Variants in FAM135A observed in about 807,000 individuals in gnomAD.
The protein encoded by FAM135A is family with sequence similarity 135 member A.
A neutral mutation model predicts 146.8 loss-of-function variants in FAM135A; 79 were observed. That is an observed-to-expected ratio of 0.54 (90% confidence interval 0.45 to 0.65). The LOEUF is 0.65. Among genes scored for constraint, FAM135A ranks in the 30% least tolerant of loss-of-function variants. The probability of loss-of-function intolerance (pLI) is 0.00; values close to 1 mark genes in which losing one functional copy is unlikely to be tolerated. For missense variants in FAM135A, 1,623 were observed against 1,758.2 expected (o/e 0.92, Z 1.38); for synonymous variants, 562 against 603.6 (o/e 0.93, Z 1.01).
intron 11 of FAM135A, among the ~76,000 whole-genome samples, chr6:70,497,622 T>C (rs1337408089): frequency 6.6e-6 from 1 of 152,238 alleles, no homozygotes; most frequent in African/African-American, 2.4e-5. Flanking sequence ...AGTATGATAT[T>C]GGCTGTGGGT....
At chr6:70,417,501 C>G in intron 2 of FAM135A, 1 of 634,002 alleles carries the variant, frequency 1.6e-6, no homozygotes, top group Non-Finnish European at 2.0e-6. Context: ...GCATGAACTA[C>G]TATGCCTGGC....
chr6:70,473,773 A>G (rs1782069661), intron 5 of FAM135A, among the ~76,000 whole-genome samples: 1 of 151,998 alleles, frequency 6.6e-6, no homozygotes, highest in Non-Finnish European at 1.5e-5. Context: ...CTTCACTTGG[A>G]TTCCAGTAGT....
chr6:70,531,326 A>G (rs555966873), intron 16 of FAM135A, among the ~76,000 whole-genome samples: 2 of 152,196 alleles, frequency 1.3e-5, no homozygotes, highest in South Asian at 2.1e-4. Context: ...CTTGGTAGCT[A>G]TTGGTTTGAT....
intron 5 of FAM135A, among the ~76,000 whole-genome samples, chr6:70,468,451 C>G (rs1295387674): frequency 6.6e-6 from 1 of 152,188 alleles, no homozygotes; most frequent in African/African-American, 2.4e-5. Context: ...AAAAACCCAC[C>G]ACATACATGG....
chr6:70,476,178 TGAG>T, intron 7 of FAM135A, among the ~76,000 whole-genome samples: 1 of 152,280 alleles, frequency 6.6e-6, no homozygotes, highest in Non-Finnish European at 1.5e-5. Context: ...CCAGAGCCCT[TGAG>T]GAAGTTTTAG....
intron 12 of FAM135A, among the ~76,000 whole-genome samples, chr6:70,505,371 A>G (rs74706252): frequency 0.019 from 2,878 of 152,174 alleles, 96 homozygotes; most frequent in African/African-American, 0.065. Context: ...TTCAGTTTTC[A>G]TGTTCCTTTA....
At chr6:70,509,259 T>A (rs1417354159) in intron 12 of FAM135A, among the ~76,000 whole-genome samples, 1 of 152,126 alleles carries the variant, frequency 6.6e-6, no homozygotes, top group Admixed American at 6.6e-5. Flanking sequence ...CATAGTGAGA[T>A]CTTGTCTCTA....
chr6:70,482,844 A>G (rs944193833), intron 10 of FAM135A, among the ~76,000 whole-genome samples: 1 of 152,066 alleles, frequency 6.6e-6, no homozygotes, highest in Non-Finnish European at 1.5e-5. Flanking sequence ...CAGACTTTTT[A>G]TGTCAGTTTT....
chr6:70,504,847 C>T (rs577910272), intron 12 of FAM135A: 1 of 152,098 alleles, frequency 6.6e-6, no homozygotes, highest in East Asian at 1.9e-4. Flanking sequence ...GTGGCGAGTA[C>T]CTGTAATCCC....
At chr6:70,457,691 G>A (rs1778631706) in intron 5 of FAM135A, among the ~76,000 whole-genome samples, 2 of 152,080 alleles carry the variant, frequency 1.3e-5, no homozygotes, top group African/African-American at 4.8e-5. Flanking sequence ...AATACTGGTT[G>A]GAAAGGATTT....
At position 70,560,310 on chromosome 6, in the gene FAM135A, G is replaced by A. The variant is rs1054985821; in HGVS notation, c.*389G>A. On this transcript the variant is annotated 3_prime_UTR_variant, in exon 22 of 22. Transcript: ENST00000418814. Reference sequence around the variant, plus strand: ...ATGGGATTTAAAATTTTCTAATACTGGGGGTATTATTTAGTTAATTATAAA... The same window carrying A: ...ATGGGATTTAAAATTTTCTAATACTAGGGGTATTATTTAGTTAATTATAAA... 1 of 153,938 alleles carries A rather than the reference G, an allele frequency of 6.5e-6. No individual in the cohort carries two copies. Among genetic ancestry groups the A allele is most frequent in the Non-Finnish European group, 1.4e-5 (1 of 69,150 alleles). The allele number at this position is 153,938 out of a possible 1,614,324, so 9.5% of individuals were successfully genotyped here. A position where few individuals can be genotyped will look rare whatever the true frequency, so the allele number is the denominator to read the frequency against.
chr6:70,525,628 ACT>A lies in FAM135A; in HGVS notation c.2545_2546del (p.Leu849ValfsTer3). On this transcript the variant is annotated frameshift_variant, in exon 15 of 22. Transcript: ENST00000418814. LOFTEE classifies it high-confidence loss of function. ...SINSLPSDDELSPDENSKKSV... is the reference protein window; with the variant it reads ...SINSLPSDDEXSPDENSKKSV... The stretch of plus-strand genomic sequence containing the variant: ...TAAACTCTCTACCCTCCGATGATGA[ACT>A]GTCACCTGATGAAAATTCTAAGAAA... The A allele has an allele frequency of 6.2e-7, 1 of 1,613,272 alleles. No individual in the cohort carries two copies. The highest frequency in any genetic ancestry group is 8.5e-7 in the Non-Finnish European group (1 of 1,179,594).
At chr6:70,414,567 A>G (rs887331982) in intron 1 of FAM135A, among the ~76,000 whole-genome samples, 2 of 133,910 alleles carry the variant, frequency 1.5e-5, no homozygotes, top group Admixed American at 1.6e-4. Context: ...CATTTGTTTT[A>G]CTTTTTATTA....
intron 11 of FAM135A, among the ~76,000 whole-genome samples, chr6:70,493,523 A>T (rs952262633): frequency 1.3e-5 from 2 of 152,208 alleles, no homozygotes; most frequent in African/African-American, 4.8e-5. Context: ...ACATATTATA[A>T]TGCGTCTTGA....
chr6:70,469,082 G>T (rs35516318), intron 5 of FAM135A, among the ~76,000 whole-genome samples: 23 of 151,852 alleles, frequency 1.5e-4, no homozygotes, highest in Admixed American at 1.4e-3. Flanking sequence ...CTTAATGCTT[G>T]TAACTTTCAA....
intron 4 of FAM135A, among the ~76,000 whole-genome samples, chr6:70,433,120 G>T (rs1772078441): frequency 6.6e-6 from 1 of 151,076 alleles, no homozygotes; most frequent in Non-Finnish European, 1.5e-5. Context: ...TGTCGCCCAG[G>T]CTGGAGTGCG....
At chr6:70,432,600 T>G (rs1175608970) in intron 4 of FAM135A, among the ~76,000 whole-genome samples, 1 of 152,154 alleles carries the variant, frequency 6.6e-6, no homozygotes, top group Non-Finnish European at 1.5e-5. Context: ...AAATTGTGTT[T>G]TACTTAACAG....
intron 20 of FAM135A, among the ~76,000 whole-genome samples, chr6:70,550,489 G>A (rs1318873680): frequency 6.6e-6 from 1 of 152,156 alleles, no homozygotes; most frequent in East Asian, 1.9e-4. Context: ...GTTGAGTAGG[G>A]GGATTGTTAA....
intron 21 of FAM135A, among the ~76,000 whole-genome samples, chr6:70,559,447 T>TAA (rs762968839): frequency 3.4e-5 from 4 of 118,942 alleles, no homozygotes; most frequent in Admixed American, 8.4e-5. Flanking sequence ...ATCTCAAAAA[T>TAA]AAAAAAAAAA....
Sources: gnomAD v4.1 joint callset for allele counts (sites outside exome capture counted in the v4.1 genomes callset) on GRCh38, gnomAD v4.1.1 for gene constraint, MANE v1.5 for transcripts, NCBI Gene and HGNC (gene_info 2026-07-23, HGNC 2026-07-21) for gene names.